MRPS33: variants seen among roughly 807,000 people sequenced by gnomAD.
MRPS33 encodes mitochondrial ribosomal protein S33, also known as small ribosomal subunit protein mS33.
A neutral mutation model predicts 11.2 loss-of-function variants in MRPS33; 11 were observed. The ratio of observed to expected loss-of-function variants is 0.99; its 90% CI spans 0.62 to 1.63. MRPS33 has a LOEUF of 1.63. MRPS33 is among the 40% of genes most tolerant of loss of function. The pLI, the probability that MRPS33 is intolerant of heterozygous loss-of-function variation, is 0.00. For missense variants in MRPS33, 109 were observed against 127.8 expected (o/e 0.85, Z 0.71); for synonymous variants, 46 against 44.0 (o/e 1.05, Z -0.18).
intron 2 of MRPS33, 76 bp from the exon 3 acceptor site, chr7:141,006,611 T>C: frequency 8.7e-7 from 1 of 1,152,298 alleles, no homozygotes; most frequent in African/African-American, 1.5e-5. Context: ...CACGCACTGC[T>C]CTCTTAGGTC....
At position 141,005,205 on chromosome 7, in the gene MRPS33, T is replaced by G. The variant is rs1820495815; in HGVS notation, c.*1225A>C. ...GCCCTTCATGATCTGGCCTCTGTTT[T>G]CTTACAGCCAACCATGAACAAACTC... is the stretch of plus-strand genomic sequence containing the variant. On this transcript the variant is annotated 3_prime_UTR_variant, in exon 3 of 3. Coordinates refer to ENST00000324787, the MANE Select transcript of MRPS33 (RefSeq NM_053035.3). The G allele has an allele frequency of 6.6e-6, 1 of 152,226 alleles. No individual in the cohort carries two copies. The allele number at this position is 152,226 out of a possible 1,614,324, so 9.4% of individuals were successfully genotyped here. A position where few individuals can be genotyped will look rare whatever the true frequency, so the allele number is the denominator to read the frequency against.
At position 141,005,870 on chromosome 7, in the gene MRPS33, G is replaced by A. The variant is rs17624491; in HGVS notation, c.*560C>T. 4,081 of 152,772 alleles carry A rather than the reference G, an allele frequency of 0.027. 90 individuals carry two copies. Among genetic ancestry groups the A allele is most frequent in the Middle Eastern group, 0.044 (13 of 294 alleles). The allele number at this position is 152,772 out of a possible 1,614,324, so 9.5% of individuals were successfully genotyped here. A position where few individuals can be genotyped will look rare whatever the true frequency, so the allele number is the denominator to read the frequency against. ...GGAGTATTTCTCTTGCTAACCACGTGTATTACCAGGGCCCCAATATCTTGT... is the reference window on the plus strand; with the variant it reads ...GGAGTATTTCTCTTGCTAACCACGTATATTACCAGGGCCCCAATATCTTGT... On this transcript the variant is annotated 3_prime_UTR_variant, in exon 3 of 3. Transcript: ENST00000324787.
chr7:141,006,423 A>G lies in MRPS33; in HGVS notation c.*7T>C. The stretch of plus-strand genomic sequence containing the variant: ...AGGAAGAAAGTCTCCCTCTTGAGGG[A>G]CCAACACTATTTCCTTTTTGCTGCT... On this transcript the variant is annotated 3_prime_UTR_variant, in exon 3 of 3. Coordinates refer to ENST00000324787, the MANE Select transcript of MRPS33 (RefSeq NM_053035.3). 6.2e-7 allele frequency: 1 copy of G among 1,610,402 alleles called. No individual in the cohort carries two copies. The highest frequency in any genetic ancestry group is 8.5e-7 in the Non-Finnish European group (1 of 1,178,220).
chr7:141,004,679 A>G lies in MRPS33; in HGVS notation c.*1751T>C. ...TTAATTTTATGTTTTTACTACAATA[A>G]TAAAAAGTTATTAAAAAATTACTGG... On this transcript the variant is annotated 3_prime_UTR_variant, in exon 3 of 3. Coordinates refer to ENST00000324787, the MANE Select transcript of MRPS33 (RefSeq NM_053035.3). 6.6e-6 allele frequency: 1 copy of G among 152,364 alleles called. No homozygotes were observed. Among genetic ancestry groups the G allele is most frequent in the Non-Finnish European group, 1.5e-5 (1 of 68,038 alleles). The allele number at this position is 152,364 out of a possible 1,614,324, so 9.4% of individuals were successfully genotyped here. A position where few individuals can be genotyped will look rare whatever the true frequency, so the allele number is the denominator to read the frequency against.
intron 1 of MRPS33, among the ~76,000 whole-genome samples, chr7:141,013,410 T>C (rs750646664): frequency 1.3e-5 from 2 of 152,212 alleles, no homozygotes. Context: ...AGAAAGGGAA[T>C]AAGCCTTTTC....
At position 141,006,130 on chromosome 7, in the gene MRPS33, C is replaced by T; in HGVS notation, c.*300G>A. The stretch of plus-strand genomic sequence containing the variant: ...CTTAATGAGGTTTCCCCTCCATTCC[C>T]CCAGCATCCCATCCCACCCCAAACA... On this transcript the variant is annotated 3_prime_UTR_variant, in exon 3 of 3. Transcript: ENST00000324787. 1 of 364,066 alleles carries T rather than the reference C, an allele frequency of 2.7e-6. No individual in the cohort carries two copies. Among genetic ancestry groups the T allele is most frequent in the Non-Finnish European group, 5.1e-6 (1 of 197,832 alleles). 22.6% of individuals were successfully genotyped at this position (364,066 alleles called of 1,614,324 possible).
chr7:141,010,481 C>G lies in MRPS33; in HGVS notation c.153G>C (p.Trp51Cys). The G allele has an allele frequency of 1.2e-6, 2 of 1,614,160 alleles. No individual in the cohort carries two copies. Among genetic ancestry groups the G allele is most frequent in the Non-Finnish European group, 1.7e-6 (2 of 1,180,028 alleles). ...PLAKKKETYD[W>C]YPNHHTYAEL... The stretch of plus-strand genomic sequence containing the variant: ...CAGCGTAAGTGTGGTGATTTGGATA[C>G]CAATCATAAGTCTCCTTCTTCTTGG... Residue 51 changes from tryptophan (W) to cysteine (C), a missense_variant, in exon 2 of 3, where the codon TGG (tryptophan) becomes TGC (cysteine). Transcript: ENST00000324787.
chr7:141,010,740 A>T, intron 1 of MRPS33, 80 bp from the exon 2 acceptor site: 1 of 1,068,932 alleles, frequency 9.4e-7, no homozygotes, highest in South Asian at 1.4e-5. Flanking sequence ...AGAAAATGCA[A>T]ACACAGCAAG....
At chr7:141,011,322 G>A (rs193298434) in intron 1 of MRPS33, among the ~76,000 whole-genome samples, 4 of 152,288 alleles carry the variant, frequency 2.6e-5, no homozygotes, top group East Asian at 1.9e-4. Flanking sequence ...TAGAAGGCAC[G>A]TATGAATTGT....
intron 1 of MRPS33, 137 bp from the exon 2 acceptor site, chr7:141,010,797 AGAAG>A: frequency 1.5e-6 from 1 of 667,592 alleles, no homozygotes; most frequent in Non-Finnish European, 2.6e-6. Flanking sequence ...CTTGGAGTGG[AGAAG>A]TATCCACAGT....
chr7:141,009,270 T>TA lies in MRPS33; in HGVS notation c.215+1148dup, dbSNP rs759197999. Among the ~76,000 whole-genome samples, 11 of 151,574 alleles carry TA rather than the reference T, an allele frequency of 7.3e-5. No homozygotes were observed. In the East Asian group the frequency reaches 1.7e-3, roughly 24 times the overall value. On this transcript the variant is annotated intron_variant, in intron 2 of 2. Transcript: ENST00000324787. ...CCTCAGCCTCCCAAGTAGCTGGAATTACAGGCGTGTGCCACCACGCCCAGC... is the reference window on the plus strand; with the variant it reads ...CCTCAGCCTCCCAAGTAGCTGGAATTAACAGGCGTGTGCCACCACGCCCAGC...
rs38727 is a variant in MRPS33 at position 141,003,071 on chromosome 7, G to A, written c.*3359C>T. ...ACGTCACATAATCAGTAAGTACACT[G>A]TATCACAAACCCATGACTTTTGAAT... On this transcript the variant is annotated 3_prime_UTR_variant, in exon 3 of 3. Coordinates refer to ENST00000324787, the MANE Select transcript of MRPS33 (RefSeq NM_053035.3). 131,747 of 152,214 alleles carry A rather than the reference G, an allele frequency of 0.87. 57,110 individuals are homozygous for A. Among genetic ancestry groups the A allele is most frequent in the East Asian group, 0.99 (5,167 of 5,198 alleles). The allele number at this position is 152,214 out of a possible 1,614,324, so 9.4% of individuals were successfully genotyped here.
rs1820510358 is a variant in MRPS33, at chr7:141,005,780, A to G, written c.*650T>C. The G allele has an allele frequency of 1.3e-5, 2 of 152,278 alleles. No homozygotes were observed. Among genetic ancestry groups the G allele is most frequent in the African/African-American group, 4.8e-5 (2 of 41,464 alleles). 9.4% of individuals were successfully genotyped at this position (152,278 alleles called of 1,614,324 possible). ...TCTGGCTTTTTCCTTTGTAGCATGTAATACAATTGTATGTAATTATGTAAT... is the reference window on the plus strand; with the variant it reads ...TCTGGCTTTTTCCTTTGTAGCATGTGATACAATTGTATGTAATTATGTAAT... On this transcript the variant is annotated 3_prime_UTR_variant, in exon 3 of 3. Transcript: ENST00000324787.
rs558858313 is a variant in MRPS33 at position 141,013,101 on chromosome 7, C to T, written c.-28+1810G>A. Among the ~76,000 whole-genome samples, 4 of 151,818 alleles carry T rather than the reference C, an allele frequency of 2.6e-5. No individual in the cohort carries two copies. The South Asian group carries it at 8.3e-4, about 32-fold the overall frequency. ...AGAGAGAGACAGACAGATAGATACT[C>T]CATATAGTAAAAACTTTGTGCCTCC... On this transcript the variant is annotated intron_variant, in intron 1 of 2. Transcript: ENST00000324787.
intron 1 of MRPS33, among the ~76,000 whole-genome samples, chr7:141,013,102 C>T (rs1388219183): frequency 6.6e-6 from 1 of 151,728 alleles, no homozygotes; most frequent in African/African-American, 2.4e-5. Context: ...ATAGATACTC[C>T]ATATAGTAAA....
rs1442357980 is a variant in MRPS33 at position 141,003,577 on chromosome 7, C to T, written c.*2853G>A. Reference sequence around the variant, plus strand: ...TGCAGGGTCAGGGTCTGAGATCTCACTGAAGCTCTTCCATCGGCAAACCAA... The same window carrying T: ...TGCAGGGTCAGGGTCTGAGATCTCATTGAAGCTCTTCCATCGGCAAACCAA... On this transcript the variant is annotated 3_prime_UTR_variant, in exon 3 of 3. Coordinates refer to ENST00000324787, the MANE Select transcript of MRPS33 (RefSeq NM_053035.3). 1 of 152,274 alleles carries T rather than the reference C, an allele frequency of 6.6e-6. No homozygotes were observed. The highest frequency in any genetic ancestry group is 1.5e-5 in the Non-Finnish European group (1 of 68,058). The allele number at this position is 152,274 out of a possible 1,614,324, so 9.4% of individuals were successfully genotyped here.
chr7:141,003,550 A>G lies in MRPS33; in HGVS notation c.*2880T>C, dbSNP rs967365796. 1 of 152,244 alleles carries G rather than the reference A, an allele frequency of 6.6e-6. No homozygotes were observed. The highest frequency in any genetic ancestry group is 1.5e-5 in the Non-Finnish European group (1 of 68,042). The allele number at this position is 152,244 out of a possible 1,614,324, so 9.4% of individuals were successfully genotyped here. A position where few individuals can be genotyped will look rare whatever the true frequency, so the allele number is the denominator to read the frequency against. ...TCCCTGTCAATCATTGCCAAGGCTC[A>G]CTGCAGGGTCAGGGTCTGAGATCTC... On this transcript the variant is annotated 3_prime_UTR_variant, in exon 3 of 3. Transcript: ENST00000324787.
chr7:141,011,563 T>C (rs1820674474), intron 1 of MRPS33, among the ~76,000 whole-genome samples: 1 of 152,188 alleles, frequency 6.6e-6, no homozygotes, highest in African/African-American at 2.4e-5. Context: ...CAACTCAGTT[T>C]AGACCAGACG....
intron 1 of MRPS33, chr7:141,014,655 A>C (rs1820756863): frequency 6.6e-6 from 1 of 152,246 alleles, no homozygotes; most frequent in Non-Finnish European, 1.5e-5. Context: ...TTCTACTGTT[A>C]ACCAATATGG....
Sources: allele counts gnomAD v4.1 joint callset (sites outside exome capture counted in the v4.1 genomes callset), GRCh38; gene constraint gnomAD v4.1.1; transcripts MANE v1.5; gene names NCBI Gene and HGNC (gene_info 2026-07-23, HGNC 2026-07-21).